EPS8L1: variants seen among roughly 807,000 people sequenced by gnomAD.
EPS8L1 encodes epidermal growth factor receptor kinase substrate 8-like protein 1.
Under a neutral mutation model 91.7 loss-of-function variants are expected in EPS8L1, and 101 were observed. That is an observed-to-expected ratio of 1.10 (90% confidence interval 0.94 to 1.30). The LOEUF (loss-of-function observed/expected upper bound fraction) is 1.30. Among genes scored for constraint, EPS8L1 ranks in the 50% most tolerant of loss-of-function variants. The probability of loss-of-function intolerance (pLI) is 0.00; values close to 1 mark genes in which losing one functional copy is unlikely to be tolerated. For synonymous variants in EPS8L1, 506 were observed against 445.3 expected (o/e 1.14, Z -1.72); for missense variants, 1,114 against 1,017.0 (o/e 1.10, Z -1.30).
chr19:55,087,578 G>A lies in EPS8L1; in HGVS notation c.2136G>A (p.Lys712=). Reference sequence around the variant, plus strand: ...AGGCAGTGATGGAGAAGCAAAAGAAGAAGGTGGAAGGCGAGGTGGAAATGG... The same window carrying A: ...AGGCAGTGATGGAGAAGCAAAAGAAAAAGGTGGAAGGCGAGGTGGAAATGG... The part of the protein sequence containing the change: ...ELEAVMEKQK[K]KVEGEVEMEV... The change falls in exon 20 of 20, where the codon AAG becomes AAA. Residue 712 remains lysine, a synonymous_variant. Transcript: ENST00000201647. 1 of 1,614,232 alleles carries A rather than the reference G, an allele frequency of 6.2e-7. No individual in the cohort carries two copies. The highest frequency in any genetic ancestry group is 8.5e-7 in the Non-Finnish European group (1 of 1,180,038).
intron 6 of EPS8L1, 194 bp from the exon 7 acceptor site, chr19:55,080,578 G>C (rs763431516): frequency 4.6e-5 from 74 of 1,606,726 alleles, no homozygotes; most frequent in Non-Finnish European, 6.1e-5. Flanking sequence ...GGTCTCCATG[G>C]GCGGGGTCGT....
At chr19:55,076,558 C>T (rs1602900631) in intron 2 of EPS8L1, 97 bp downstream of exon 2, 9 of 1,412,934 alleles carry the variant, frequency 6.4e-6, no homozygotes, top group African/African-American at 1.4e-5. Context: ...AGACTGTTTG[C>T]GGCGGCCCAG....
At chr19:55,076,555 T>G in intron 2 of EPS8L1, 94 bp downstream of exon 2, 3 of 1,438,430 alleles carry the variant, frequency 2.1e-6, no homozygotes, top group Non-Finnish European at 2.9e-6. Context: ...CCCAGACTGT[T>G]TGCGGCGGCC....
chr19:55,087,151 A>T, intron 18 of EPS8L1, 152 bp from the exon 19 acceptor site: 2 of 1,252,314 alleles, frequency 1.6e-6, no homozygotes, highest in Non-Finnish European at 2.1e-6. Context: ...CAACATTGTG[A>T]TTGGTGGGTG....
chr19:55,076,096 G>GGCCTGGTCTC (rs1568769749), intron 1 of EPS8L1, among the ~76,000 whole-genome samples, 177 bp downstream of exon 1: 63 of 115,800 alleles, frequency 5.4e-4, no homozygotes, highest in Non-Finnish European at 6.2e-4. Flanking sequence ...GGGAGGAGGG[G>GGCCTGGTCTC]CTGAGGGCCT....
chr19:55,086,674 C>A, intron 17 of EPS8L1, 40 bp from the exon 18 acceptor site: 1 of 1,594,424 alleles, frequency 6.3e-7, no homozygotes, highest in Non-Finnish European at 8.5e-7. Context: ...ACCCCTCGCC[C>A]TGAGCCCGCA....
rs368136227 is a variant in EPS8L1 at position 55,081,534 on chromosome 19, C to G, written c.774+42C>G. The G allele has an allele frequency of 6.0e-6, 9 of 1,511,294 alleles. No individual in the cohort carries two copies. Among genetic ancestry groups the G allele is most frequent in the African/African-American group, 2.8e-5 (2 of 70,944 alleles). 93.6% of individuals were successfully genotyped at this position (1,511,294 alleles called of 1,614,324 possible). A position where few individuals can be genotyped will look rare whatever the true frequency, so the allele number is the denominator to read the frequency against. On this transcript the variant is annotated intron_variant, in intron 8 of 19. Coordinates refer to ENST00000201647, the MANE Select transcript of EPS8L1 (RefSeq NM_133180.3). This position sits in a 1 kb window ranked among gnomAD's most constrained non-coding sequence, Gnocchi z 4.9. Reference sequence around the variant, plus strand: ...GGGGTCTGGGGGCAGGGCCAGGCGACTGGAGGCGGGGCTAGGGCGTGGAAG... The same window carrying G: ...GGGGTCTGGGGGCAGGGCCAGGCGAGTGGAGGCGGGGCTAGGGCGTGGAAG...
intron 18 of EPS8L1, 159 bp downstream of exon 18, chr19:55,087,047 G>T (rs1305473488): frequency 3.7e-6 from 4 of 1,081,398 alleles, no homozygotes; most frequent in Non-Finnish European, 5.1e-6. Flanking sequence ...CCAATGGCAG[G>T]CTGTGATTGC....
Position 55,085,964 on chromosome 19 carries a change from C to G in EPS8L1, c.1509C>G (p.Asp503Glu), listed in dbSNP as rs776727827. The G allele has an allele frequency of 3.7e-6, 6 of 1,612,974 alleles. No homozygotes were observed. Among genetic ancestry groups the G allele is most frequent in the African/African-American group, 1.3e-5 (1 of 74,994 alleles). The change falls in exon 15 of 20, where the codon GAC becomes GAG. Residue 503 changes from aspartate to glutamate, a missense_variant. Physicochemically the swap from Asp to Glu is conservative, Grantham distance 45 (BLOSUM62 2). Transcript: ENST00000201647. ...NSSELSVKQR[D>E]VLEVLDDSRK... ...GTGAGCTGTCGGTCAAGCAGCGGGA[C>G]GTACTGGAGGTTAGAGGAGCGGGAG...
At chr19:55,076,148 C>A (rs2076125548) in intron 1 of EPS8L1, among the ~76,000 whole-genome samples, 1 of 31,560 alleles carries the variant, frequency 3.2e-5, no homozygotes, top group South Asian at 6.2e-4. Context: ...GGCCTGGACT[C>A]CTGGGTCTGA....
chr19:55,082,228 GTCCCGTCCCCGCACCCACGCCAACCACC>G lies in EPS8L1; in HGVS notation c.991-42_991-15del. The stretch of plus-strand genomic sequence containing the variant: ...GCCGGGGCGCGGGCACGACGAACCT[GTCCCGTCCCCGCACCCACGCCAACCACC>G]TCCCTCCCCACGCCCCAGGCCCGGC... On this transcript the variant is annotated intron_variant, in intron 10 of 19. Transcript: ENST00000201647. The G allele has an allele frequency of 3.1e-6, 5 of 1,599,222 alleles. No individual in the cohort carries two copies. Among genetic ancestry groups the G allele is most frequent in the Non-Finnish European group, 4.3e-6 (5 of 1,172,992 alleles).
In EPS8L1 at chr19:55,076,421, G is replaced by A. The variant is rs1320487820; in HGVS notation, c.-24G>A. ...GCTGGCTCCCAGGGCACCTCCAGGTGGGCAGGAGCTACCACTCAGCACCAT... is the reference window on the plus strand; with the variant it reads ...GCTGGCTCCCAGGGCACCTCCAGGTAGGCAGGAGCTACCACTCAGCACCAT... On this transcript the variant is annotated 5_prime_UTR_variant, in exon 2 of 20. Transcript: ENST00000201647. 6.2e-7 allele frequency: 1 copy of A among 1,611,516 alleles called. No individual in the cohort carries two copies. Among genetic ancestry groups the A allele is most frequent in the Admixed American group, 1.7e-5 (1 of 59,918 alleles).
chr19:55,085,020 G>A (rs912428346), intron 14 of EPS8L1, among the ~76,000 whole-genome samples: 5 of 152,134 alleles, frequency 3.3e-5, no homozygotes, highest in Non-Finnish European at 7.4e-5. Context: ...CTGTGAAAAT[G>A]GAGGAGATCA....
At chr19:55,086,659 C>T (rs2076355710) in intron 17 of EPS8L1, 55 bp from the exon 18 acceptor site, 2 of 1,528,968 alleles carry the variant, frequency 1.3e-6, no homozygotes, top group Non-Finnish European at 1.8e-6. Context: ...CCCTCTGGCC[C>T]CAGGACCCCT....
At chr19:55,082,238 C>G (rs758674839) in intron 10 of EPS8L1, 37 bp from the exon 11 acceptor site, 5 of 1,602,348 alleles carry the variant, frequency 3.1e-6, no homozygotes, top group Non-Finnish European at 4.3e-6. Context: ...GTCCCGTCCC[C>G]GCACCCACGC....
At chr19:55,079,462 G>A (rs554936141) in intron 4 of EPS8L1, 12 of 604,268 alleles carry the variant, frequency 2.0e-5, no homozygotes, top group South Asian at 8.5e-5. Context: ...TTCCCTGCCC[G>A]CAAGGAGCCT....
rs113363122 is a variant in EPS8L1, at chr19:55,076,854, G to A, written c.17+393G>A. Among the ~76,000 whole-genome samples, 523 of 152,346 alleles carry A rather than the reference G, an allele frequency of 3.4e-3. 4 individuals are homozygous for A. The highest frequency in any genetic ancestry group is 0.012 in the African/African-American group (510 of 41,570). On this transcript the variant is annotated intron_variant, in intron 2 of 19. Transcript: ENST00000201647. ...CTCAACTCATAGGAGTCGCTATTGC[G>A]ATTGTTATGTTGTTAGTAAATATTA...
rs2076368326 is a variant in EPS8L1 at position 55,087,722 on chromosome 19, C to T, written c.*108C>T. 4.3e-6 allele frequency: 5 copies of T among 1,155,590 alleles called. No homozygotes were observed. The highest frequency in any genetic ancestry group is 6.3e-6 in the Non-Finnish European group (5 of 788,488). The allele number at this position is 1,155,590 out of a possible 1,614,324, so 71.6% of individuals were successfully genotyped here. A position where few individuals can be genotyped will look rare whatever the true frequency, so the allele number is the denominator to read the frequency against. Reference sequence around the variant, plus strand: ...TCTTCTGAAGGATGGCCAATCTGCTCCGGCCCTGGTCTTCCCCCATCCCGG... The same window carrying T: ...TCTTCTGAAGGATGGCCAATCTGCTTCGGCCCTGGTCTTCCCCCATCCCGG... On this transcript the variant is annotated 3_prime_UTR_variant, in exon 20 of 20. Transcript: ENST00000201647.
chr19:55,087,453 T>C lies in EPS8L1; in HGVS notation c.2085+18T>C, dbSNP rs1345217215. ...TGCTGGAGGTGAGCCGGACCGCTGGTCCCTGGGTCTGGGTAGGGTTGGGAT... is the reference window on the plus strand; with the variant it reads ...TGCTGGAGGTGAGCCGGACCGCTGGCCCCTGGGTCTGGGTAGGGTTGGGAT... On this transcript the variant is annotated intron_variant, in intron 19 of 19. Coordinates refer to ENST00000201647, the MANE Select transcript of EPS8L1 (RefSeq NM_133180.3). 1.2e-6 allele frequency: 2 copies of C among 1,614,092 alleles called. No homozygotes were observed. The highest frequency in any genetic ancestry group is 2.2e-5 in the East Asian group (1 of 44,842).
Sources: gnomAD v4.1 joint callset for allele counts (sites outside exome capture counted in the v4.1 genomes callset) on GRCh38, gnomAD v4.1.1 for gene constraint, Gnocchi (gnomAD v3.1) non-coding constraint, MANE v1.5 for transcripts, NCBI Gene and HGNC (gene_info 2026-07-23, HGNC 2026-07-21) for gene names.